RGS6: variants seen among roughly 807,000 people sequenced by gnomAD.
RGS6 encodes the protein regulator of G-protein signaling 6.
Under a neutral mutation model 78.5 loss-of-function variants are expected in RGS6, and 30 were observed. That is an observed-to-expected ratio of 0.38 (90% confidence interval 0.29 to 0.52). RGS6 has a LOEUF of 0.52. Ranked by LOEUF, RGS6 falls within the 20% of genes least tolerant of loss-of-function variation. RGS6 has a pLI of 0.85. For missense variants in RGS6, 495 were observed against 609.7 expected (o/e 0.81, Z 1.98); for synonymous variants, 206 against 206.0 (o/e 1.00, Z 0.00).
chr14:72,602,773 C>T, the RGS6 span, among the ~76,000 whole-genome samples: 17 of 152,224 alleles, frequency 1.1e-4, no homozygotes, highest in African/African-American at 2.9e-4. Flanking sequence ...TATTTTTAAA[C>T]GGCATAACTA....
rs112161663 is a variant in RGS6 at position 72,422,662 on chromosome 14, A to T, written c.185-31866A>T. 4.0e-3 allele frequency among the ~76,000 whole-genome samples: 608 copies of T among 152,234 alleles called. 5 individuals carry two copies. Among genetic ancestry groups the T allele is most frequent in the African/African-American group, 0.014 (564 of 41,536 alleles). Reference sequence around the variant, plus strand: ...TGGGGAGTGGGTGCCCACAGCTTGTATGTGTCCCCATGAGAGTGGGTGTCA... The same window carrying T: ...TGGGGAGTGGGTGCCCACAGCTTGTTTGTGTCCCCATGAGAGTGGGTGTCA... On this transcript the variant is annotated intron_variant, in intron 3 of 17. Transcript: ENST00000553525.
At chr14:72,420,791 A>G (rs2094132936) in intron 3 of RGS6, among the ~76,000 whole-genome samples, 1 of 152,232 alleles carries the variant, frequency 6.6e-6, no homozygotes, top group South Asian at 2.1e-4. Flanking sequence ...CTCTACAAAT[A>G]AGAAATTAAG....
intron 2 of RGS6, among the ~76,000 whole-genome samples, chr14:72,045,717 A>G (rs77423120): frequency 2.3e-3 from 347 of 152,092 alleles, no homozygotes; most frequent in African/African-American, 7.5e-3. Context: ...GAAAAAAAAA[A>G]AAGCTCCCAT....
chr14:71,895,413 C>T, the RGS6 span, among the ~76,000 whole-genome samples: 7 of 152,026 alleles, frequency 4.6e-5, no homozygotes, highest in African/African-American at 1.7e-4. Flanking sequence ...TCTCAAACTC[C>T]TGACCTCAAG....
chr14:72,540,181 T>G (rs1157741916), intron 17 of RGS6, 87 bp downstream of exon 17: 14 of 1,518,822 alleles, frequency 9.2e-6, no homozygotes, highest in South Asian at 1.2e-5. Flanking sequence ...TCCCTTTGGT[T>G]GTTGTTTCCT....
the RGS6 span, among the ~76,000 whole-genome samples, chr14:72,598,726 GT>G: frequency 3.1e-3 from 469 of 152,360 alleles, 1 homozygote; most frequent in African/African-American, 0.01. Context: ...AGCCAGATCT[GT>G]GGTCCAGGGT....
chr14:72,338,040 G>A (rs891012312), intron 2 of RGS6, among the ~76,000 whole-genome samples: 3 of 152,206 alleles, frequency 2.0e-5, no homozygotes, highest in African/African-American at 7.2e-5. Flanking sequence ...ACCTTTGCCT[G>A]AGCCTGCATA....
intron 14 of RGS6, chr14:72,514,086 A>G (rs1567026302): frequency 6.6e-6 from 1 of 152,212 alleles, no homozygotes; most frequent in Non-Finnish European, 1.5e-5. Context: ...CGACACCACA[A>G]CCATCTGCAG....
At chr14:72,324,970 A>G (rs184998171) in intron 2 of RGS6, among the ~76,000 whole-genome samples, 1 of 152,176 alleles carries the variant, frequency 6.6e-6, no homozygotes, top group Non-Finnish European at 1.5e-5. Flanking sequence ...ACAGCCCCAC[A>G]AACAGTGTAA....
downstream of RGS6, among the ~76,000 whole-genome samples, chr14:72,569,879 G>A (rs527621934): frequency 3.9e-5 from 6 of 152,312 alleles, no homozygotes; most frequent in African/African-American, 1.4e-4. Context: ...AGTTGGAGGA[G>A]CAGAGCTTAG....
At chr14:72,466,075 A>G (rs1373448116) in intron 7 of RGS6, among the ~76,000 whole-genome samples, 2 of 152,234 alleles carry the variant, frequency 1.3e-5, no homozygotes, top group Non-Finnish European at 2.9e-5. Flanking sequence ...TAGGCTAATG[A>G]CTTAACAGAT....
chr14:72,015,753 G>T (rs1338287084), intron 2 of RGS6, among the ~76,000 whole-genome samples: 1 of 152,056 alleles, frequency 6.6e-6, no homozygotes. Context: ...TTTAATTTTT[G>T]CTAATCCGAT....
chr14:72,118,017 C>T (rs1053491514), intron 2 of RGS6, among the ~76,000 whole-genome samples: 1 of 152,182 alleles, frequency 6.6e-6, no homozygotes, highest in Non-Finnish European at 1.5e-5. Flanking sequence ...GTCTCTGTGC[C>T]TACAAATGAT....
chr14:72,623,376 T>C, the RGS6 span, among the ~76,000 whole-genome samples: 1 of 152,220 alleles, frequency 6.6e-6, no homozygotes, highest in Non-Finnish European at 1.5e-5. Flanking sequence ...ATTGGTAGCA[T>C]AACCACACAG....
chr14:72,027,825 G>A (rs1003682396), intron 2 of RGS6, among the ~76,000 whole-genome samples: 5 of 152,164 alleles, frequency 3.3e-5, no homozygotes, highest in Non-Finnish European at 7.3e-5. Flanking sequence ...CTTACAGAAA[G>A]CGGTAGATGC....
intron 2 of RGS6, among the ~76,000 whole-genome samples, chr14:72,187,588 A>G (rs1260459020): frequency 2.6e-5 from 4 of 152,204 alleles, no homozygotes; most frequent in East Asian, 1.9e-4. Context: ...TCAAATATCA[A>G]TCCAGCATGA....
chr14:72,057,681 C>A (rs180916292), intron 2 of RGS6, among the ~76,000 whole-genome samples: 2 of 152,264 alleles, frequency 1.3e-5, no homozygotes, highest in Non-Finnish European at 2.9e-5. Context: ...GACTTGATTG[C>A]AGTGAATTTT....
At chr14:71,974,906 C>T (rs977787506) in intron 2 of RGS6, among the ~76,000 whole-genome samples, 7 of 152,040 alleles carry the variant, frequency 4.6e-5, no homozygotes, top group South Asian at 2.1e-4. Flanking sequence ...CTTGGGAGGC[C>T]GAGGCAGGAA....
chr14:72,365,230 A>G lies in RGS6; in HGVS notation c.184+13036A>G, dbSNP rs1380969704. 2.6e-5 allele frequency among the ~76,000 whole-genome samples: 4 copies of G among 152,226 alleles called. No individual in the cohort carries two copies. The East Asian group carries it at 7.7e-4, about 29-fold the overall frequency. ...GAATGTACTTGCCAAAAAAGTCAAAACTGAGATAAAGGAAAAATTGTAGAC... is the reference window on the plus strand; with the variant it reads ...GAATGTACTTGCCAAAAAAGTCAAAGCTGAGATAAAGGAAAAATTGTAGAC... On this transcript the variant is annotated intron_variant, in intron 3 of 17. Transcript: ENST00000553525.
Sources: allele counts gnomAD v4.1 joint callset (sites outside exome capture counted in the v4.1 genomes callset), GRCh38; gene constraint gnomAD v4.1.1; transcripts MANE v1.5; gene names NCBI Gene and HGNC (gene_info 2026-07-23, HGNC 2026-07-21).